Variants in ZNF804B observed in about 807,000 individuals in gnomAD.
The protein encoded by ZNF804B is zinc finger 804B.
ZNF804B carries 80 observed loss-of-function variants against 101.4 expected under a neutral mutation model. The observed-to-expected ratio is 0.79, with a 90% CI of 0.66 to 0.95. The LOEUF is 0.95. ZNF804B is among the 40% of genes least tolerant of loss of function. ZNF804B has a pLI of 0.00. For synonymous variants in ZNF804B, 622 were observed against 558.8 expected, an observed-to-expected ratio of 1.11 and a Z score of -1.59; for missense variants, 1,673 against 1,561.9, an observed-to-expected ratio of 1.07 and a Z score of -1.20.
intron 2 of ZNF804B, among the ~76,000 whole-genome samples, chr7:89,265,081 G>A (rs1364389551): frequency 6.6e-6 from 1 of 152,108 alleles, no homozygotes; most frequent in Non-Finnish European, 1.5e-5. Flanking sequence ...ATCACCATGT[G>A]CCATTGATTT....
At chr7:88,896,273 A>G (rs1792284160) in intron 1 of ZNF804B, among the ~76,000 whole-genome samples, 1 of 152,224 alleles carries the variant, frequency 6.6e-6, no homozygotes, top group Non-Finnish European at 1.5e-5. Context: ...TTTCAAATAT[A>G]TCATACTAAT....
intron 1 of ZNF804B, among the ~76,000 whole-genome samples, chr7:89,038,090 C>T (rs1313055966): frequency 6.6e-5 from 10 of 152,160 alleles, no homozygotes; most frequent in African/African-American, 1.9e-4. Context: ...TGTGCACTTA[C>T]ATTGATTCCA....
chr7:88,908,048 T>C (rs1017072764), intron 1 of ZNF804B, among the ~76,000 whole-genome samples: 3 of 151,820 alleles, frequency 2.0e-5, no homozygotes, highest in South Asian at 2.1e-4. Flanking sequence ...ATTTACCAAA[T>C]GCACTCTGAG....
intron 1 of ZNF804B, among the ~76,000 whole-genome samples, chr7:88,865,531 C>A (rs961641392): frequency 6.6e-5 from 10 of 152,060 alleles, no homozygotes; most frequent in African/African-American, 2.4e-4. Context: ...GACCCTGTTT[C>A]TTCAAAATAT....
chr7:89,167,404 T>A (rs1039901781), intron 1 of ZNF804B, among the ~76,000 whole-genome samples: 1 of 151,018 alleles, frequency 6.6e-6, no homozygotes, highest in Admixed American at 6.6e-5. Flanking sequence ...GATCGTGCCA[T>A]TGCATTCCAC....
intron 1 of ZNF804B, among the ~76,000 whole-genome samples, chr7:89,145,708 C>T (rs1319599730): frequency 6.6e-6 from 1 of 151,972 alleles, no homozygotes; most frequent in African/African-American, 2.4e-5. Context: ...CTGGACCAGA[C>T]CTTATGCTCC....
At chr7:88,777,252 G>T (rs1055807167) in intron 1 of ZNF804B, among the ~76,000 whole-genome samples, 2 of 152,186 alleles carry the variant, frequency 1.3e-5, no homozygotes, top group African/African-American at 2.4e-5. Context: ...GCCTGGTGCT[G>T]ATTCTGCCAC....
chr7:89,254,933 A>G (rs770878254), intron 2 of ZNF804B, among the ~76,000 whole-genome samples: 9 of 152,336 alleles, frequency 5.9e-5, no homozygotes, highest in Middle Eastern at 3.4e-3. Context: ...GGCATGAGCC[A>G]CCACGCTCAG....
intron 1 of ZNF804B, among the ~76,000 whole-genome samples, chr7:88,997,156 C>T (rs1477569155): frequency 6.6e-6 from 1 of 151,948 alleles, no homozygotes; most frequent in Non-Finnish European, 1.5e-5. Context: ...GTGGTTTCAC[C>T]CAGCACTAGA....
At chr7:89,233,207 T>A (rs1428150373) in intron 2 of ZNF804B, among the ~76,000 whole-genome samples, 1 of 152,188 alleles carries the variant, frequency 6.6e-6, no homozygotes, top group East Asian at 1.9e-4. Context: ...ATTACAGGCG[T>A]GAGCCACCGT....
At chr7:88,977,530 A>T (rs1793633036) in intron 1 of ZNF804B, among the ~76,000 whole-genome samples, 1 of 151,594 alleles carries the variant, frequency 6.6e-6, no homozygotes, top group Non-Finnish European at 1.5e-5. Context: ...ATTTATTAGC[A>T]TAGAGTAGCT....
Position 89,335,666 on chromosome 7 carries a change from A to G in ZNF804B, c.2684A>G (p.Asn895Ser). ...AGGCCCATGAAGTGTAACTCCGGGA[A>G]TATCAGCTGCCTTCTAAAGAACTGT... Reference protein sequence around the residue: ...KVRPMKCNSGNISCLLKNCSS... With the variant: ...KVRPMKCNSGSISCLLKNCSS... Residue 895 changes from asparagine to serine, a missense_variant, in exon 4 of 4, where the codon AAT (asparagine) becomes AGT (serine). Physicochemically the swap from Asn to Ser is conservative, Grantham distance 46. Transcript: ENST00000333190. The G allele has an allele frequency of 6.2e-7, 1 of 1,614,084 alleles. No homozygotes were observed. The highest frequency in any genetic ancestry group is 8.5e-7 in the Non-Finnish European group (1 of 1,179,990).
chr7:89,051,882 A>C (rs964978666), intron 1 of ZNF804B, among the ~76,000 whole-genome samples: 14 of 152,062 alleles, frequency 9.2e-5, no homozygotes, highest in Non-Finnish European at 1.0e-4. Flanking sequence ...CAGTTTCTTC[A>C]TTTATAAAAT....
chr7:89,280,884 A>T (rs1790083884), intron 2 of ZNF804B, among the ~76,000 whole-genome samples: 1 of 152,178 alleles, frequency 6.6e-6, no homozygotes. Context: ...AAAAAGAGGG[A>T]ATCCTCCCTA....
chr7:88,781,033 A>G (rs1790218446), intron 1 of ZNF804B, among the ~76,000 whole-genome samples: 1 of 152,160 alleles, frequency 6.6e-6, no homozygotes, highest in Admixed American at 6.5e-5. Flanking sequence ...TAAGCAACAC[A>G]TTTCTTGTTA....
At chr7:89,194,272 A>C (rs1298490845) in intron 1 of ZNF804B, among the ~76,000 whole-genome samples, 1 of 151,818 alleles carries the variant, frequency 6.6e-6, no homozygotes, top group Non-Finnish European at 1.5e-5. Flanking sequence ...TTGCCTGTTC[A>C]CTCTGATGGT....
chr7:89,161,821 T>G (rs1353180614), intron 1 of ZNF804B, among the ~76,000 whole-genome samples: 1 of 152,180 alleles, frequency 6.6e-6, no homozygotes, highest in Non-Finnish European at 1.5e-5. Context: ...ACTCATATGT[T>G]TGTTATTTGT....
chr7:89,056,677 G>A (rs759364298), intron 1 of ZNF804B, among the ~76,000 whole-genome samples: 14 of 152,072 alleles, frequency 9.2e-5, no homozygotes, highest in Non-Finnish European at 1.9e-4. Context: ...AAATGGGATC[G>A]AAGGTTAATA....
rs185336318 is a variant in ZNF804B, at chr7:89,262,759, C to T, written c.249+44464C>T. On this transcript the variant is annotated intron_variant, in intron 2 of 3. Coordinates refer to ENST00000333190, the MANE Select transcript of ZNF804B (RefSeq NM_181646.5). ...AGTTTGCTTAGTTTTTTGTTACAAT[C>T]TCAATCATTATACTTTTATATTTCA... Among the ~76,000 whole-genome samples, 631 of 152,178 alleles carry T rather than the reference C, an allele frequency of 4.1e-3. 5 individuals are homozygous for T. Among genetic ancestry groups the T allele is most frequent in the African/African-American group, 0.015 (603 of 41,540 alleles).
Sources: allele counts gnomAD v4.1 joint callset (sites outside exome capture counted in the v4.1 genomes callset), GRCh38; gene constraint gnomAD v4.1.1; transcripts MANE v1.5; gene names NCBI Gene and HGNC (gene_info 2026-07-23, HGNC 2026-07-21).